The following NRG1 variants were observed in gnomAD, a reference collection of about 807,000 sequenced individuals.
NRG1 encodes neuregulin 1.
Under a neutral mutation model 63.8 loss-of-function variants are expected in NRG1, and 18 were observed. That is an observed-to-expected ratio of 0.28 (90% CI 0.19 to 0.42). The LOEUF (loss-of-function observed/expected upper bound fraction) is 0.42, where lower values mean the gene tolerates loss of function less well. Ranked by LOEUF, NRG1 falls within the 10% of genes least tolerant of loss-of-function variation. The pLI, the probability that NRG1 is intolerant of heterozygous loss-of-function variation, is 1.00. For missense variants in NRG1, 762 were observed against 814.7 expected, an observed-to-expected ratio of 0.94 and a Z score of 0.79; for synonymous variants, 302 against 301.3, an observed-to-expected ratio of 1.00 and a Z score of -0.02.
intron 5 of NRG1, among the ~76,000 whole-genome samples, chr8:32,650,642 A>G (rs1184791905): frequency 4.4e-5 from 6 of 135,566 alleles, no homozygotes; most frequent in Non-Finnish European, 1.6e-5. Context: ...TGTAACCACT[A>G]ATTAATGGAA....
chr8:32,099,994 G>A (rs983588413), intron 1 of NRG1, among the ~76,000 whole-genome samples: 1 of 152,072 alleles, frequency 6.6e-6, no homozygotes, highest in Non-Finnish European at 1.5e-5. Context: ...GAGTACAAGG[G>A]AAGGATAGCT....
chr8:31,757,697 G>C (rs1386406962), intron 1 of NRG1, among the ~76,000 whole-genome samples: 1 of 152,096 alleles, frequency 6.6e-6, no homozygotes, highest in Non-Finnish European at 1.5e-5. Flanking sequence ...CAGAAGACCA[G>C]AGGGAAGAAA....
At chr8:31,746,156 C>T (rs1033883931) in intron 1 of NRG1, among the ~76,000 whole-genome samples, 1 of 151,716 alleles carries the variant, frequency 6.6e-6, no homozygotes, top group Admixed American at 6.6e-5. Flanking sequence ...ACGGAGAATG[C>T]ATATTTTGGT....
At chr8:31,850,830 C>G (rs1827140475) in intron 1 of NRG1, among the ~76,000 whole-genome samples, 1 of 152,204 alleles carries the variant, frequency 6.6e-6, no homozygotes, top group South Asian at 2.1e-4. Flanking sequence ...TATGTGATTA[C>G]TTGTGATTTG....
At chr8:31,710,817 A>G (rs755186024) in intron 1 of NRG1, among the ~76,000 whole-genome samples, 41 of 152,192 alleles carry the variant, frequency 2.7e-4, no homozygotes, top group Non-Finnish European at 5.3e-4. Context: ...TAATTGATTG[A>G]TACTGATATA....
At chr8:31,877,731 G>T (rs1830038287) in intron 1 of NRG1, among the ~76,000 whole-genome samples, 1 of 151,960 alleles carries the variant, frequency 6.6e-6, no homozygotes, top group Non-Finnish European at 1.5e-5. Context: ...TTCCATCCTA[G>T]GTATTTTATA....
At chr8:32,594,765 T>A (rs1277194006) in intron 1 of NRG1, among the ~76,000 whole-genome samples, 1 of 152,210 alleles carries the variant, frequency 6.6e-6, no homozygotes, top group East Asian at 1.9e-4. Context: ...CAGTCTCTGT[T>A]GAGACTATTT....
chr8:31,801,518 T>C (rs911373109), intron 1 of NRG1, among the ~76,000 whole-genome samples: 2 of 152,134 alleles, frequency 1.3e-5, no homozygotes, highest in Non-Finnish European at 2.9e-5. Context: ...CTTGACAGAG[T>C]TTTGAAATAT....
At chr8:31,850,989 G>A (rs554691520) in intron 1 of NRG1, among the ~76,000 whole-genome samples, 23 of 152,252 alleles carry the variant, frequency 1.5e-4, no homozygotes, top group African/African-American at 5.1e-4. Context: ...CTTGGTTCCA[G>A]GGCACTATAC....
At chr8:31,961,841 C>T (rs1030717028) in intron 1 of NRG1, among the ~76,000 whole-genome samples, 5 of 152,106 alleles carry the variant, frequency 3.3e-5, no homozygotes, top group African/African-American at 1.2e-4. Flanking sequence ...CATAATGACC[C>T]ATCTGACACA....
Position 32,060,299 on chromosome 8 carries a change from A to G in NRG1, c.37+420868A>G, listed in dbSNP as rs574681369. Among the ~76,000 whole-genome samples the G allele has an allele frequency of 7.2e-5, 11 of 151,832 alleles. No individual in the cohort carries two copies. The East Asian group carries it at 9.7e-4, about 13-fold the overall frequency. Reference sequence around the variant, plus strand: ...GCTTTTTTTTTTATCTAATAGAACTATTTACACTTAAAATCTTTATCCTTA... The same window carrying G: ...GCTTTTTTTTTTATCTAATAGAACTGTTTACACTTAAAATCTTTATCCTTA... On this transcript the variant is annotated intron_variant, in intron 1 of 10. Coordinates refer to the NRG1 transcript ENST00000519301.
chr8:31,860,015 C>G (rs991813971), intron 1 of NRG1, among the ~76,000 whole-genome samples: 4 of 152,160 alleles, frequency 2.6e-5, no homozygotes, highest in African/African-American at 9.7e-5. Flanking sequence ...GCTAGGCTTT[C>G]AAGGTTACTT....
exon 12 of NRG1, chr8:32,764,359 G>A (rs1831242362): frequency 1.2e-6 from 2 of 1,611,582 alleles, no homozygotes; most frequent in East Asian, 2.2e-5. Context: ...ATCCAGGCCA[G>A]GCTGTCTAGT....
intron 1 of NRG1, among the ~76,000 whole-genome samples, chr8:32,233,399 C>T (rs984125472): frequency 6.6e-6 from 1 of 151,806 alleles, no homozygotes; most frequent in Admixed American, 6.6e-5. Flanking sequence ...AGCTACCACA[C>T]CCAGCCATGA....
At chr8:32,338,965 C>T (rs912312861) in intron 1 of NRG1, among the ~76,000 whole-genome samples, 11 of 152,140 alleles carry the variant, frequency 7.2e-5, no homozygotes, top group Admixed American at 6.5e-5. Context: ...CTCCTATCTA[C>T]CATAGAAGGG....
chr8:32,196,904 C>T, intron 1 of NRG1, among the ~76,000 whole-genome samples: 1 of 101,956 alleles, frequency 9.8e-6, no homozygotes, highest in South Asian at 3.5e-4. Flanking sequence ...TTTTATGTTT[C>T]TAAAGCTGGT....
intron 3 of NRG1, among the ~76,000 whole-genome samples, chr8:32,609,017 C>G (rs796083309): frequency 1.3e-4 from 20 of 152,266 alleles, no homozygotes; most frequent in African/African-American, 4.6e-4. Context: ...TCTGGTCATA[C>G]GTCCACTGCT....
exon 12 of NRG1, chr8:32,767,421 A>G (rs56692637): frequency 0.048 from 7,247 of 152,276 alleles, 599 homozygotes; most frequent in African/African-American, 0.17. Flanking sequence ...CCAGCCAGAG[A>G]TTTCTATCTG....
intron 1 of NRG1, among the ~76,000 whole-genome samples, chr8:32,128,445 G>A (rs1834386213): frequency 6.6e-6 from 1 of 151,896 alleles, no homozygotes; most frequent in Non-Finnish European, 1.5e-5. Context: ...CTGGCAATTT[G>A]CTTTATTTTG....
Sources: allele counts gnomAD v4.1 joint callset (sites outside exome capture counted in the v4.1 genomes callset), GRCh38; gene constraint gnomAD v4.1.1; transcripts MANE v1.5; gene names NCBI Gene and HGNC (gene_info 2026-07-23, HGNC 2026-07-21).